KCNH1: variants seen among roughly 807,000 people sequenced by gnomAD.
KCNH1 encodes potassium voltage-gated channel subfamily H member 1, also known as voltage-gated delayed rectifier potassium channel KCNH1.
In KCNH1, 27 loss-of-function variants were observed where a neutral mutation model predicts 69.2. That is an observed-to-expected ratio of 0.39 (90% CI 0.29 to 0.54). The LOEUF (loss-of-function observed/expected upper bound fraction) is 0.54, where lower values mean the gene tolerates loss of function less well. KCNH1 is among the 20% of genes least tolerant of loss of function. The pLI is 0.68. For synonymous variants in KCNH1, 456 were observed against 487.7 expected (o/e 0.93, Z 0.86); for missense variants, 798 against 1,261.6 (o/e 0.63, Z 5.57).
intron 7 of KCNH1, chr1:210,861,731 G>A (rs1322241470): frequency 2.6e-6 from 2 of 774,444 alleles, no homozygotes; most frequent in South Asian, 1.3e-5. Context: ...GAAAGAAGCT[G>A]GATAAAATGA....
Position 210,774,310 on chromosome 1 carries a change from G to T in KCNH1, c.2112+1038C>A, listed in dbSNP as rs199705826. Reference sequence around the variant, plus strand: ...ATGATCCAGCTAGGGCATGAGGAAGGTTTTTAATGAAGAGCTTTGTGTCCT... The same window carrying T: ...ATGATCCAGCTAGGGCATGAGGAAGTTTTTTAATGAAGAGCTTTGTGTCCT... On this transcript the variant is annotated intron_variant, in intron 10 of 10. Coordinates refer to ENST00000271751, the MANE Select transcript of KCNH1 (RefSeq NM_172362.3). Among the ~76,000 whole-genome samples, 3 of 152,164 alleles carry T rather than the reference G, an allele frequency of 2.0e-5. No homozygotes were observed. The East Asian group carries it at 5.8e-4, about 29-fold the overall frequency.
At chr1:211,001,193 C>G (rs1209133849) in intron 6 of KCNH1, among the ~76,000 whole-genome samples, 3 of 152,118 alleles carry the variant, frequency 2.0e-5, no homozygotes, top group African/African-American at 7.2e-5. Flanking sequence ...AGCTTCTGCA[C>G]AGCAAAAGAA....
In KCNH1 at chr1:210,859,421, C is replaced by T. The variant is rs141782078; in HGVS notation, c.1463-55255G>A. On this transcript the variant is annotated intron_variant, in intron 7 of 10. Transcript: ENST00000271751. ...ATAGCTTTAAATACCTGATACTCAT[C>T]AACAGGGTTATCTTCATCATCAATG... The T allele has an allele frequency of 4.0e-5, 64 of 1,607,056 alleles. No homozygotes were observed. The East Asian group carries it at 1.4e-3, about 36-fold the overall frequency.
At chr1:210,966,422 G>A (rs1052352804) in intron 6 of KCNH1, among the ~76,000 whole-genome samples, 1 of 152,178 alleles carries the variant, frequency 6.6e-6, no homozygotes, top group African/African-American at 2.4e-5. Context: ...CACAGCAAAA[G>A]AAACTACCAT....
At chr1:210,908,624 A>T (rs947026672) in intron 7 of KCNH1, among the ~76,000 whole-genome samples, 1 of 152,174 alleles carries the variant, frequency 6.6e-6, no homozygotes, top group East Asian at 1.9e-4. Context: ...GCCAGGCTTC[A>T]TAGGGACTTC....
chr1:210,997,125 A>G (rs1445094398), intron 6 of KCNH1, among the ~76,000 whole-genome samples: 1 of 152,246 alleles, frequency 6.6e-6, no homozygotes, highest in African/African-American at 2.4e-5. Context: ...CGAAAGAAAC[A>G]CAGCTCCTCA....
At chr1:211,015,862 T>A (rs1689482672) in intron 6 of KCNH1, among the ~76,000 whole-genome samples, 1 of 152,194 alleles carries the variant, frequency 6.6e-6, no homozygotes, top group Non-Finnish European at 1.5e-5. Context: ...CCAGAGTTGT[T>A]ATGAAAGGGC....
intron 7 of KCNH1, among the ~76,000 whole-genome samples, chr1:210,874,078 A>G (rs1172827013): frequency 6.6e-6 from 1 of 152,166 alleles, no homozygotes; most frequent in African/African-American, 2.4e-5. Context: ...GAGGTTGGAG[A>G]ATATAAGCTT....
rs374145839 is a variant in KCNH1 at position 211,131,802 on chromosome 1, A to C, written c.79+2065T>G. ...TTATTCTGAAATAATAATTTTAAAA[A>C]TTCATCCAACTCTCCCAAGATGCTT... On this transcript the variant is annotated intron_variant, in intron 1 of 10. Transcript: ENST00000271751. Among the ~76,000 whole-genome samples the C allele has an allele frequency of 8.5e-5, 13 of 152,190 alleles. No individual in the cohort carries two copies. In the East Asian group the frequency reaches 1.5e-3, roughly 18 times the overall value.
At chr1:210,984,392 A>G (rs554081346) in intron 6 of KCNH1, among the ~76,000 whole-genome samples, 6 of 152,296 alleles carry the variant, frequency 3.9e-5, no homozygotes, top group African/African-American at 1.4e-4. Context: ...TCCATTCAGT[A>G]TGATATTGGC....
At position 211,134,008 on chromosome 1, in the gene KCNH1, G is replaced by A. The variant is rs1420497244; in HGVS notation, c.-63C>T. On this transcript the variant is annotated 5_prime_UTR_variant, in exon 1 of 11. Coordinates refer to ENST00000271751, the MANE Select transcript of KCNH1 (RefSeq NM_172362.3). The surrounding 1 kb of genome is among the most constrained non-coding windows in gnomAD (Gnocchi z 5.7). ...CGGCTTCTTACGACAGCAGGAAACT[G>A]GCCTCGGGGCCCGCACGCAGTCCCG... The A allele has an allele frequency of 7.0e-7, 1 of 1,428,514 alleles. No individual in the cohort carries two copies. The highest frequency in any genetic ancestry group is 9.8e-7 in the Non-Finnish European group (1 of 1,019,550). The allele number at this position is 1,428,514 out of a possible 1,614,324, so 88.5% of individuals were successfully genotyped here.
intron 5 of KCNH1, among the ~76,000 whole-genome samples, chr1:211,045,820 T>A (rs1052070194): frequency 2.0e-5 from 3 of 152,202 alleles, no homozygotes; most frequent in African/African-American, 7.2e-5. Flanking sequence ...TTTGTGCCCT[T>A]TGACTAATAT....
chr1:210,938,865 G>C (rs1435194146), intron 6 of KCNH1, among the ~76,000 whole-genome samples: 12 of 152,180 alleles, frequency 7.9e-5, no homozygotes, highest in Non-Finnish European at 1.8e-4. Context: ...CTCCAGAATA[G>C]TGTCACTCTC....
chr1:210,756,468 C>T (rs1439009292), intron 10 of KCNH1, among the ~76,000 whole-genome samples: 8 of 152,192 alleles, frequency 5.3e-5, no homozygotes, highest in East Asian at 1.9e-4. Flanking sequence ...AATACAGAAG[C>T]TGTCTGCAAA....
At chr1:211,101,183 G>T (rs1691250399) in intron 3 of KCNH1, among the ~76,000 whole-genome samples, 1 of 152,150 alleles carries the variant, frequency 6.6e-6, no homozygotes, top group African/African-American at 2.4e-5. Context: ...CGTGGATGCT[G>T]CCCGTTCCCC....
intron 6 of KCNH1, among the ~76,000 whole-genome samples, chr1:210,976,162 C>T (rs1326675785): frequency 2.6e-5 from 4 of 151,640 alleles, no homozygotes; most frequent in South Asian, 2.1e-4. Flanking sequence ...GGACTGTAAA[C>T]GAGTTCAACC....
chr1:211,130,242 TATTA>T (rs1691851910), intron 1 of KCNH1, among the ~76,000 whole-genome samples: 1 of 151,898 alleles, frequency 6.6e-6, no homozygotes, highest in Non-Finnish European at 1.5e-5. Context: ...AAATATGGAG[TATTA>T]ATTATTTCTG....
chr1:211,065,334 A>T (rs1387789773), intron 5 of KCNH1, among the ~76,000 whole-genome samples: 1 of 152,238 alleles, frequency 6.6e-6, no homozygotes, highest in Non-Finnish European at 1.5e-5. Flanking sequence ...CATTTGCAAC[A>T]ACATAAATGG....
chr1:210,854,697 G>C (rs921097414), intron 7 of KCNH1, among the ~76,000 whole-genome samples: 2 of 152,176 alleles, frequency 1.3e-5, no homozygotes, highest in African/African-American at 4.8e-5. Context: ...CTGAGGAGAA[G>C]GGAGAAGTCC....
Sources: allele counts gnomAD v4.1 joint callset (sites outside exome capture counted in the v4.1 genomes callset), GRCh38; gene constraint gnomAD v4.1.1; non-coding constraint Gnocchi (gnomAD v3.1); transcripts MANE v1.5; gene names NCBI Gene and HGNC (gene_info 2026-07-23, HGNC 2026-07-21).